Variants in STAG1 observed in about 807,000 individuals in gnomAD.
STAG1 encodes STAG1 cohesin complex component.
A neutral mutation model predicts 170.9 loss-of-function variants in STAG1; 26 were observed. The observed-to-expected ratio is 0.15, with a 90% confidence interval of 0.11 to 0.21. STAG1 has a LOEUF of 0.21. Ranked by LOEUF, STAG1 falls within the 10% of genes least tolerant of loss-of-function variation. The pLI is 1.00. For synonymous variants in STAG1, 514 were observed against 497.7 expected (o/e 1.03, Z -0.44); for missense variants, 964 against 1,509.5 (o/e 0.64, Z 5.99).
chr3:136,743,402 T>C (rs1006459723), intron 1 of STAG1, among the ~76,000 whole-genome samples: 7 of 150,458 alleles, frequency 4.7e-5, no homozygotes, highest in Non-Finnish European at 8.9e-5. Flanking sequence ...ATACCAGAAA[T>C]TAAAGAAGAG....
chr3:136,565,574 T>C (rs1937046511), intron 5 of STAG1, among the ~76,000 whole-genome samples: 1 of 152,214 alleles, frequency 6.6e-6, no homozygotes, highest in South Asian at 2.1e-4. Context: ...CATACATTTC[T>C]GGTGGGAATA....
intron 1 of STAG1, among the ~76,000 whole-genome samples, chr3:136,659,482 T>C (rs996511262): frequency 6.6e-6 from 1 of 152,220 alleles, no homozygotes; most frequent in Non-Finnish European, 1.5e-5. Flanking sequence ...TAGCAACAGC[T>C]GCTTTCTGAA....
chr3:136,417,538 T>TAATA, intron 21 of STAG1: 1 of 192,454 alleles, frequency 5.2e-6, no homozygotes, highest in Non-Finnish European at 1.1e-5. Context: ...TTAATATGAT[T>TAATA]AATACCTAGA....
intron 5 of STAG1, among the ~76,000 whole-genome samples, chr3:136,551,083 C>T (rs1240565309): frequency 6.6e-6 from 1 of 151,990 alleles, no homozygotes; most frequent in Non-Finnish European, 1.5e-5. Context: ...AGTCACTATG[C>T]ACAGCCCACA....
chr3:136,623,880 G>A (rs760063064), intron 2 of STAG1, among the ~76,000 whole-genome samples: 3 of 151,954 alleles, frequency 2.0e-5, no homozygotes, highest in Non-Finnish European at 2.9e-5. Flanking sequence ...ATTTGAACCC[G>A]CGGAGGTTGC....
At chr3:136,373,603 T>C (rs1937464619) in intron 23 of STAG1, among the ~76,000 whole-genome samples, 1 of 152,230 alleles carries the variant, frequency 6.6e-6, no homozygotes, top group African/African-American at 2.4e-5. Context: ...CATTTCATTA[T>C]GTACCCAGTA....
At position 136,699,483 on chromosome 3, in the gene STAG1, C is replaced by T. The variant is rs1241824002; in HGVS notation, c.-84+52712G>A. 6.6e-5 allele frequency among the ~76,000 whole-genome samples: 10 copies of T among 152,044 alleles called. No individual in the cohort carries two copies. In the South Asian group the frequency reaches 1.2e-3, roughly 19 times the overall value. On this transcript the variant is annotated intron_variant, in intron 1 of 33. Coordinates refer to ENST00000383202, the MANE Select transcript of STAG1 (RefSeq NM_005862.3). ...ACAGCTCACTGCAACCTCTGCCTCC[C>T]GAGCTCAGACGATCCTCCCACCTCA...
At chr3:136,684,776 CAA>C (rs772542086) in intron 1 of STAG1, among the ~76,000 whole-genome samples, 27 of 63,532 alleles carry the variant, frequency 4.2e-4, no homozygotes, top group Middle Eastern at 9.4e-3. Context: ...ACCCTGTCTC[CAA>C]AAAAAAAAAA....
At chr3:136,520,738 A>C (rs1318096812) in intron 7 of STAG1, among the ~76,000 whole-genome samples, 1 of 152,154 alleles carries the variant, frequency 6.6e-6, no homozygotes, top group Admixed American at 6.6e-5. Context: ...AGTATGTTTA[A>C]GTTATTATAG....
intron 6 of STAG1, among the ~76,000 whole-genome samples, chr3:136,530,942 T>C (rs934493558): frequency 7.9e-5 from 12 of 152,168 alleles, no homozygotes; most frequent in Admixed American, 5.9e-4. Context: ...CCGTCTCTAC[T>C]AAAAATACAA....
chr3:136,547,420 C>T (rs917865252), intron 5 of STAG1, among the ~76,000 whole-genome samples: 3 of 152,174 alleles, frequency 2.0e-5, no homozygotes, highest in Non-Finnish European at 4.4e-5. Context: ...CTTTCTCAGA[C>T]TGTTTATCTC....
intron 1 of STAG1, among the ~76,000 whole-genome samples, chr3:136,748,419 C>T (rs1264667030): frequency 1.3e-5 from 2 of 151,208 alleles, no homozygotes; most frequent in Non-Finnish European, 2.9e-5. Context: ...TTTCCTGAGA[C>T]GGGGTCTCAC....
At chr3:136,630,821 C>A in intron 2 of STAG1, 49 bp downstream of exon 2, 2 of 1,330,246 alleles carry the variant, frequency 1.5e-6, no homozygotes, top group South Asian at 1.3e-5. Context: ...AATAAGTTGT[C>A]CAAAATTTTC....
chr3:136,545,206 G>A (rs1016410477), intron 5 of STAG1, among the ~76,000 whole-genome samples: 3 of 152,012 alleles, frequency 2.0e-5, no homozygotes, highest in Admixed American at 6.6e-5. Context: ...ACGTCACCAC[G>A]TGTAATTATT....
In STAG1 at chr3:136,624,849, A is replaced by G. The variant is rs557129765; in HGVS notation, c.30-1601T>C. On this transcript the variant is annotated intron_variant, in intron 2 of 33. Coordinates refer to ENST00000383202, the MANE Select transcript of STAG1 (RefSeq NM_005862.3). ...ACAAACAGTAGTACAGCATTAAAAC[A>G]TATTTCTACCACAAAGACACAACAG... Among the ~76,000 whole-genome samples, 15 of 152,378 alleles carry G rather than the reference A, an allele frequency of 9.8e-5. No homozygotes were observed. The South Asian group carries it at 2.1e-3, about 21-fold the overall frequency.
chr3:136,613,594 C>G (rs1939426519), intron 3 of STAG1, among the ~76,000 whole-genome samples: 2 of 152,096 alleles, frequency 1.3e-5, no homozygotes, highest in African/African-American at 4.8e-5. Flanking sequence ...TCAGGTGATT[C>G]TTGTGCCTCA....
chr3:136,338,913 C>A (rs1935822393), intron 32 of STAG1, among the ~76,000 whole-genome samples: 1 of 152,156 alleles, frequency 6.6e-6, no homozygotes, highest in Non-Finnish European at 1.5e-5. Flanking sequence ...AAAAACTTTT[C>A]ATTATGGAAA....
intron 1 of STAG1, among the ~76,000 whole-genome samples, chr3:136,692,275 T>C (rs998475686): frequency 1.9e-4 from 25 of 135,000 alleles, no homozygotes; most frequent in Non-Finnish European, 3.2e-4. Flanking sequence ...GATCGCACCA[T>C]TGCACTCCAG....
intron 1 of STAG1, among the ~76,000 whole-genome samples, chr3:136,673,596 A>G (rs538557926): frequency 1.3e-5 from 2 of 152,176 alleles, no homozygotes; most frequent in Non-Finnish European, 2.9e-5. Flanking sequence ...TGTACATGCC[A>G]CAATCCCTCT....
Sources: gnomAD v4.1 joint callset for allele counts (sites outside exome capture counted in the v4.1 genomes callset) on GRCh38, gnomAD v4.1.1 for gene constraint, MANE v1.5 for transcripts, NCBI Gene and HGNC (gene_info 2026-07-23, HGNC 2026-07-21) for gene names.